Variants in LINGO1 observed in about 807,000 individuals in gnomAD.
LINGO1 encodes the protein leucine-rich repeat and immunoglobulin-like domain-containing nogo receptor-interacting protein 1.
A neutral mutation model predicts 37.3 loss-of-function variants in LINGO1; 11 were observed. The observed-to-expected ratio is 0.29, with a 90% confidence interval of 0.19 to 0.49. The LOEUF (loss-of-function observed/expected upper bound fraction) is 0.49. Ranked by LOEUF, LINGO1 falls within the 20% of genes least tolerant of loss-of-function variation. The probability of loss-of-function intolerance (pLI) is 0.99; values close to 1 mark genes in which losing one functional copy is unlikely to be tolerated. For missense variants in LINGO1, 585 were observed against 878.2 expected, an observed-to-expected ratio of 0.67 and a Z score of 4.22; for synonymous variants, 387 against 403.0, an observed-to-expected ratio of 0.96 and a Z score of 0.48.
At chr15:77,812,605 G>A (rs1212180843) in intron 1 of LINGO1, among the ~76,000 whole-genome samples, 2 of 152,330 alleles carry the variant, frequency 1.3e-5, no homozygotes, top group South Asian at 2.1e-4. Context: ...TCTGCCTCCT[G>A]TTTATTGAGC....
chr15:77,630,158 A>G (rs1244483668), intron 1 of LINGO1, among the ~76,000 whole-genome samples: 9 of 151,788 alleles, frequency 5.9e-5, no homozygotes. Flanking sequence ...CTCTGAAACC[A>G]CCACACCTAC....
intron 2 of LINGO1, among the ~76,000 whole-genome samples, chr15:77,688,689 C>T (rs1197690732): frequency 6.6e-6 from 1 of 152,176 alleles, no homozygotes; most frequent in Non-Finnish European, 1.5e-5. Flanking sequence ...TTATACCCCA[C>T]CTCCCTCCAA....
intron 1 of LINGO1, among the ~76,000 whole-genome samples, chr15:77,782,630 T>C (rs1255460427): frequency 6.6e-6 from 1 of 151,974 alleles, no homozygotes; most frequent in Non-Finnish European, 1.5e-5. Context: ...CGGTGCCACT[T>C]GGGCCAAATT....
At chr15:77,819,061 T>C (rs1458451727) in intron 1 of LINGO1, among the ~76,000 whole-genome samples, 1 of 150,796 alleles carries the variant, frequency 6.6e-6, no homozygotes, top group Admixed American at 6.6e-5. Flanking sequence ...GGCCGCGGCC[T>C]GGGCTGCCGA....
At chr15:77,624,442 G>A (rs1271579505) in intron 1 of LINGO1, among the ~76,000 whole-genome samples, 1 of 152,154 alleles carries the variant, frequency 6.6e-6, no homozygotes, top group Non-Finnish European at 1.5e-5. Context: ...CGGCCACCCT[G>A]CACTGAAGGG....
At chr15:77,684,776 C>T (rs1052935596) in intron 2 of LINGO1, among the ~76,000 whole-genome samples, 1 of 152,188 alleles carries the variant, frequency 6.6e-6, no homozygotes, top group African/African-American at 2.4e-5. Flanking sequence ...ACCCCAGTGA[C>T]CTCCCATGCA....
intron 3 of LINGO1, among the ~76,000 whole-genome samples, chr15:77,643,245 G>C (rs1299221565): frequency 1.3e-5 from 2 of 152,340 alleles, no homozygotes; most frequent in East Asian, 3.9e-4. Context: ...TCCCCTGGAT[G>C]GTGCTGGGAG....
intron 1 of LINGO1, among the ~76,000 whole-genome samples, chr15:77,748,819 G>A (rs1032347194): frequency 6.6e-6 from 1 of 151,538 alleles, no homozygotes; most frequent in Admixed American, 6.6e-5. Flanking sequence ...GAAGTGCTGG[G>A]ATTATAGGCA....
intron 1 of LINGO1, among the ~76,000 whole-genome samples, chr15:77,624,476 C>T (rs968726440): frequency 6.6e-6 from 1 of 152,142 alleles, no homozygotes; most frequent in African/African-American, 2.4e-5. Flanking sequence ...CCCACCTCAC[C>T]AAGGCACAGC....
At chr15:77,749,070 G>A (rs1457000683) in intron 1 of LINGO1, among the ~76,000 whole-genome samples, 1 of 151,668 alleles carries the variant, frequency 6.6e-6, no homozygotes, top group Non-Finnish European at 1.5e-5. Flanking sequence ...ACCACGCCCG[G>A]CTAATTTTTG....
chr15:77,624,812 C>G (rs1047486571), intron 1 of LINGO1, among the ~76,000 whole-genome samples: 1 of 152,140 alleles, frequency 6.6e-6, no homozygotes, highest in Non-Finnish European at 1.5e-5. Flanking sequence ...TGTCCCAGAG[C>G]TGAGGTGGGG....
chr15:77,642,403 G>C (rs571507300), intron 3 of LINGO1, among the ~76,000 whole-genome samples: 1 of 152,350 alleles, frequency 6.6e-6, no homozygotes, highest in African/African-American at 2.4e-5. Context: ...GGAGAAAGGA[G>C]GATAGAAAGA....
In LINGO1 at chr15:77,798,111, C is replaced by T. The variant is rs2141457762; in HGVS notation, c.-457-2058G>A. ...CAGCCCCAAACTAGGCCCCTGTTGC[C>T]AGCTGGCCCTGGGTGCATCTCCCAC... is the stretch of plus-strand genomic sequence containing the variant. On this transcript the variant is annotated intron_variant, in intron 1 of 5. Coordinates refer to the LINGO1 transcript ENST00000562933. Among the ~76,000 whole-genome samples the T allele has an allele frequency of 3.3e-5, 5 of 152,338 alleles. 1 individual carries two copies. The South Asian group carries it at 1.0e-3, about 32-fold the overall frequency.
chr15:77,627,126 C>A (rs1170306598), intron 1 of LINGO1, among the ~76,000 whole-genome samples: 1 of 152,080 alleles, frequency 6.6e-6, no homozygotes, highest in Non-Finnish European at 1.5e-5. Context: ...AACACACACA[C>A]CACACACCCT....
At chr15:77,759,064 T>A (rs569522915) in intron 1 of LINGO1, among the ~76,000 whole-genome samples, 1 of 152,272 alleles carries the variant, frequency 6.6e-6, no homozygotes, top group East Asian at 1.9e-4. Context: ...CAGGGCTTTC[T>A]CTGAAGACCT....
intron 1 of LINGO1, among the ~76,000 whole-genome samples, chr15:77,776,559 A>AGGGAGGGAGGGAGG (rs1203344449): frequency 6.9e-6 from 1 of 144,426 alleles, no homozygotes; most frequent in African/African-American, 2.6e-5. Context: ...GGAGGGAGGG[A>AGGGAGGGAGGGAGG]GCTGACTCTG....
intron 1 of LINGO1, chr15:77,820,082 T>A (rs1326866578): frequency 6.6e-6 from 1 of 151,260 alleles, no homozygotes; most frequent in African/African-American, 2.4e-5. Context: ...GGGCCCAGGG[T>A]TCGAGCGCGC....
rs1390922497 is a variant in LINGO1 at position 77,632,719 on chromosome 15, C to T, written c.-404G>A. On this transcript the variant is annotated 5_prime_UTR_variant, in exon 1 of 2. Transcript: ENST00000355300. The surrounding 1 kb of genome is among the most constrained non-coding windows in gnomAD (Gnocchi z 6.0). ...GGGGCCGGGGCCGGCGGGCAGCGGC[C>T]GCGCATGCTGCTCGGCGCCCCGCGT... 6.9e-6 allele frequency among the ~76,000 whole-genome samples: 1 copy of T among 145,430 alleles called. No individual in the cohort carries two copies. The highest frequency in any genetic ancestry group is 1.5e-5 in the Non-Finnish European group (1 of 65,560).
rs1476413805 is a variant in LINGO1, at chr15:77,632,399, A to G, written c.-84T>C. 3.9e-6 allele frequency: 5 copies of G among 1,276,250 alleles called. No homozygotes were observed. The highest frequency in any genetic ancestry group is 5.0e-6 in the Non-Finnish European group (5 of 1,004,132). 79.1% of individuals were successfully genotyped at this position (1,276,250 alleles called of 1,614,324 possible). A position where few individuals can be genotyped will look rare whatever the true frequency, so the allele number is the denominator to read the frequency against. ...CCCGACCAGGCCCCAGCCCCTGCCCAGCCCCCTCCTCCGTTTCCTCCTCCT... is the reference window on the plus strand; with the variant it reads ...CCCGACCAGGCCCCAGCCCCTGCCCGGCCCCCTCCTCCGTTTCCTCCTCCT... On this transcript the variant is annotated 5_prime_UTR_variant, in exon 1 of 2. Transcript: ENST00000355300. This position sits in a 1 kb window ranked among gnomAD's most constrained non-coding sequence, Gnocchi z 6.0.
Sources: allele counts gnomAD v4.1 joint callset (sites outside exome capture counted in the v4.1 genomes callset), GRCh38; gene constraint gnomAD v4.1.1; non-coding constraint Gnocchi (gnomAD v3.1); transcripts MANE v1.5; gene names NCBI Gene and HGNC (gene_info 2026-07-23, HGNC 2026-07-21).